Variants in PROSER2 observed in about 807,000 individuals in gnomAD.
PROSER2 encodes proline and serine-rich protein 2.
A neutral mutation model predicts 14.6 loss-of-function variants in PROSER2; 18 were observed. The observed-to-expected ratio is 1.23, with a 90% CI of 0.85 to 1.83. PROSER2 has a LOEUF of 1.83. Among genes scored for constraint, PROSER2 ranks in the 40% most tolerant of loss-of-function variants. PROSER2 has a pLI of 0.00. For missense variants in PROSER2, 823 were observed against 629.8 expected (o/e 1.31, Z -3.28); for synonymous variants, 367 against 286.4 (o/e 1.28, Z -2.84).
In PROSER2 at chr10:11,871,314, C is replaced by T. The variant is rs940452837; in HGVS notation, c.*908C>T. 1 of 152,214 alleles carries T rather than the reference C, an allele frequency of 6.6e-6. No individual in the cohort carries two copies. Among genetic ancestry groups the T allele is most frequent in the Non-Finnish European group, 1.5e-5 (1 of 68,038 alleles). 9.4% of individuals were successfully genotyped at this position (152,214 alleles called of 1,614,324 possible). A position where few individuals can be genotyped will look rare whatever the true frequency, so the allele number is the denominator to read the frequency against. The stretch of plus-strand genomic sequence containing the variant: ...TTGTTACTTCCTAGTATGGAAGTGT[C>T]TTAAGGACACGTCTCCATGATATTT... On this transcript the variant is annotated 3_prime_UTR_variant, in exon 4 of 4. Coordinates refer to ENST00000277570, the MANE Select transcript of PROSER2 (RefSeq NM_153256.4).
chr10:11,866,907 AG>A lies in PROSER2; in HGVS notation c.391+128del. On this transcript the variant is annotated intron_variant, in intron 3 of 3. Transcript: ENST00000277570. The surrounding 1 kb of genome is among the most constrained non-coding windows in gnomAD (Gnocchi z 6.0). ...TTGTTGAGTCTTACCAGATTTTTAT[AG>A]GGGAAAATACTCCTTGGCAGTTTCA... The A allele has an allele frequency of 1.8e-6, 2 of 1,139,662 alleles. No homozygotes were observed. The highest frequency in any genetic ancestry group is 2.4e-6 in the Non-Finnish European group (2 of 825,934). 70.6% of individuals were successfully genotyped at this position (1,139,662 alleles called of 1,614,324 possible).
At position 11,839,161 on chromosome 10, in the gene PROSER2, C is replaced by T. The variant is rs113256973; in HGVS notation, c.-81-12836C>T. 1.2e-4 allele frequency among the ~76,000 whole-genome samples: 19 copies of T among 152,276 alleles called. 3 individuals are homozygous for T. The highest frequency in any genetic ancestry group is 3.1e-4 in the African/African-American group (13 of 41,558). Reference sequence around the variant, plus strand: ...CTTCAGTACTTGGCACTTGAGCTGTCGGATAACCTTCTTGGCTTGAGGGCA... The same window carrying T: ...CTTCAGTACTTGGCACTTGAGCTGTTGGATAACCTTCTTGGCTTGAGGGCA... On this transcript the variant is annotated intron_variant, in intron 1 of 3. Coordinates refer to ENST00000277570, the MANE Select transcript of PROSER2 (RefSeq NM_153256.4).
At chr10:11,832,311 G>A (rs1384252033) in intron 1 of PROSER2, among the ~76,000 whole-genome samples, 3 of 152,178 alleles carry the variant, frequency 2.0e-5, no homozygotes, top group African/African-American at 7.2e-5. Flanking sequence ...ATTTTTGGAA[G>A]CATTCTTTTC....
chr10:11,858,195 G>C (rs1045498495), intron 2 of PROSER2, among the ~76,000 whole-genome samples: 2 of 152,118 alleles, frequency 1.3e-5, no homozygotes, highest in Admixed American at 1.3e-4. Flanking sequence ...CTCTCAGAGT[G>C]CTAGGATTAC....
At position 11,836,300 on chromosome 10, in the gene PROSER2, G is replaced by A. The variant is rs376800140; in HGVS notation, c.-82+12830G>A. Among the ~76,000 whole-genome samples, 3 of 152,044 alleles carry A rather than the reference G, an allele frequency of 2.0e-5. No individual in the cohort carries two copies. Among genetic ancestry groups the A allele is most frequent in the Admixed American group, 6.6e-5 (1 of 15,250 alleles). Reference sequence around the variant, plus strand: ...CAGCCTCCACCTTCCAGGTTCAAGCGATTCTCCCATCTCAGCTTCCCAAGT... The same window carrying A: ...CAGCCTCCACCTTCCAGGTTCAAGCAATTCTCCCATCTCAGCTTCCCAAGT... On this transcript the variant is annotated intron_variant, in intron 1 of 3. Coordinates refer to ENST00000277570, the MANE Select transcript of PROSER2 (RefSeq NM_153256.4). This position sits in a 1 kb window ranked among gnomAD's most constrained non-coding sequence, Gnocchi z 4.6.
In PROSER2 at chr10:11,830,374, G is replaced by T. The variant is rs1264575434; in HGVS notation, c.-82+6904G>T. Among the ~76,000 whole-genome samples, 1 of 152,198 alleles carries T rather than the reference G, an allele frequency of 6.6e-6. No individual in the cohort carries two copies. The highest frequency in any genetic ancestry group is 1.5e-5 in the Non-Finnish European group (1 of 68,040). On this transcript the variant is annotated intron_variant, in intron 1 of 3. Transcript: ENST00000277570. The surrounding 1 kb of genome is among the most constrained non-coding windows in gnomAD (Gnocchi z 4.5). ...AAGACATGATTGCATTCATTTTTAT[G>T]GCTGAGTAGTCGTCCGTGGTGTTTA... is the stretch of plus-strand genomic sequence containing the variant.
chr10:11,858,422 C>T (rs1834164957), intron 2 of PROSER2, among the ~76,000 whole-genome samples: 3 of 152,278 alleles, frequency 2.0e-5, no homozygotes, highest in African/African-American at 7.2e-5. Context: ...GGCTGCTGCC[C>T]TCAGAGCTTG....
At position 11,870,395 on chromosome 10, in the gene PROSER2, G is replaced by GA. The variant is rs1834461063; in HGVS notation, c.1298dup (p.Ser434GlufsTer59). On this transcript the variant is annotated frameshift_variant, in exon 4 of 4. Transcript: ENST00000277570. LOFTEE classifies it high-confidence loss of function. ...CCTGCGGAAGCTGGGGCTGCTCAGG[G>GA]AGAGTTCGTGAGGGCCGCGCGGGCT... 2.0e-6 allele frequency: 3 copies of GA among 1,498,776 alleles called. 1 individual carries two copies. The highest frequency in any genetic ancestry group is 2.6e-5 in the South Asian group (2 of 78,264). 92.8% of individuals were successfully genotyped at this position (1,498,776 alleles called of 1,614,324 possible).
At chr10:11,842,328 A>T (rs1833855815) in intron 1 of PROSER2, among the ~76,000 whole-genome samples, 1 of 147,888 alleles carries the variant, frequency 6.8e-6, no homozygotes. Context: ...TGTGCTTTTT[A>T]TTTGTCCTCT....
chr10:11,848,071 G>A (rs111436660), intron 1 of PROSER2, among the ~76,000 whole-genome samples: 4 of 152,158 alleles, frequency 2.6e-5, no homozygotes, highest in African/African-American at 9.7e-5. Flanking sequence ...TTTTCCTTGT[G>A]TATCTTTTCA....
intron 1 of PROSER2, among the ~76,000 whole-genome samples, chr10:11,847,117 C>G (rs1278467153): frequency 6.7e-6 from 1 of 149,450 alleles, no homozygotes; most frequent in Non-Finnish European, 1.5e-5. Flanking sequence ...GCTCAAGTGT[C>G]TCCTATTCTT....
Position 11,866,686 on chromosome 10 carries a change from C to T in PROSER2, c.294C>T (p.Thr98=). ...GCTCCCCGTCTCTGGAGGAGAGCAC[C>T]TCCAGTCCCTCCGAGCCTGAAGATG... ...CLCSPSLEES[T]SSPSEPEDVI... is the part of the protein sequence containing the mutation. The change falls in exon 3 of 4, where the codon ACC becomes ACT. Residue 98 remains threonine (T), a synonymous_variant. Coordinates refer to ENST00000277570, the MANE Select transcript of PROSER2 (RefSeq NM_153256.4). This position sits in a 1 kb window ranked among gnomAD's most constrained non-coding sequence, Gnocchi z 6.0. The T allele has an allele frequency of 1.9e-6, 3 of 1,614,088 alleles. No homozygotes were observed. The highest frequency in any genetic ancestry group is 2.5e-6 in the Non-Finnish European group (3 of 1,180,036).
Position 11,830,049 on chromosome 10 carries a change from G to T in PROSER2, c.-82+6579G>T, listed in dbSNP as rs1207628091. On this transcript the variant is annotated intron_variant, in intron 1 of 3. Coordinates refer to ENST00000277570, the MANE Select transcript of PROSER2 (RefSeq NM_153256.4). This position sits in a 1 kb window ranked among gnomAD's most constrained non-coding sequence, Gnocchi z 4.5. Reference sequence around the variant, plus strand: ...GTAGAGACGGGGTTTTGCCATGTTGGCCATGCTGGTCTCGAACTCCTGAGC... The same window carrying T: ...GTAGAGACGGGGTTTTGCCATGTTGTCCATGCTGGTCTCGAACTCCTGAGC... 6.6e-6 allele frequency among the ~76,000 whole-genome samples: 1 copy of T among 151,790 alleles called. No individual in the cohort carries two copies. The highest frequency in any genetic ancestry group is 1.5e-5 in the Non-Finnish European group (1 of 67,966).
At chr10:11,861,036 G>A (rs1834226862) in intron 2 of PROSER2, among the ~76,000 whole-genome samples, 1 of 152,102 alleles carries the variant, frequency 6.6e-6, no homozygotes, top group South Asian at 2.1e-4. Context: ...AACCTGGGAG[G>A]TGGTGGCTGC....
intron 1 of PROSER2, among the ~76,000 whole-genome samples, chr10:11,826,505 G>T (rs1180014964): frequency 1.3e-5 from 2 of 152,172 alleles, no homozygotes; most frequent in East Asian, 3.8e-4. Flanking sequence ...AACGTGTGAG[G>T]GTTCTAATTT....
At position 11,838,448 on chromosome 10, in the gene PROSER2, TTC is replaced by T. The variant is rs1347233317; in HGVS notation, c.-81-13546_-81-13545del. Among the ~76,000 whole-genome samples the T allele has an allele frequency of 1.3e-5, 2 of 152,246 alleles. No homozygotes were observed. The highest frequency in any genetic ancestry group is 2.9e-5 in the Non-Finnish European group (2 of 68,046). Reference sequence around the variant, plus strand: ...GAAGAACCTGGACTGCCACCAACTCTTCTCAACAGCAGGCAACACTGTATACC... The same window carrying T: ...GAAGAACCTGGACTGCCACCAACTCTTCAACAGCAGGCAACACTGTATACC... On this transcript the variant is annotated intron_variant, in intron 1 of 3. Transcript: ENST00000277570. This position sits in a 1 kb window ranked among gnomAD's most constrained non-coding sequence, Gnocchi z 4.4.
At chr10:11,858,365 T>C (rs1834164074) in intron 2 of PROSER2, among the ~76,000 whole-genome samples, 1 of 152,266 alleles carries the variant, frequency 6.6e-6, no homozygotes, top group Non-Finnish European at 1.5e-5. Context: ...CTAGGACTTC[T>C]CGACCTGTTG....
In PROSER2 at chr10:11,842,996, T is replaced by A. The variant is rs1379332229; in HGVS notation, c.-81-9001T>A. On this transcript the variant is annotated intron_variant, in intron 1 of 3. Transcript: ENST00000277570. ...TGCTCTGTCGCCCAGGCTGGAGTGCTGTGGCACGATCTCGGCTCACTGCAA... is the reference window on the plus strand; with the variant it reads ...TGCTCTGTCGCCCAGGCTGGAGTGCAGTGGCACGATCTCGGCTCACTGCAA... Among the ~76,000 whole-genome samples, 18 of 138,940 alleles carry A rather than the reference T, an allele frequency of 1.3e-4. 3 individuals carry two copies. Among genetic ancestry groups the A allele is most frequent in the African/African-American group, 3.2e-4 (12 of 36,990 alleles). The allele number at this position is 138,940 out of a possible 152,430, so 91.2% of individuals were successfully genotyped here. A position where few individuals can be genotyped will look rare whatever the true frequency, so the allele number is the denominator to read the frequency against.
At chr10:11,847,199 TTTC>T (rs898412474) in intron 1 of PROSER2, among the ~76,000 whole-genome samples, 2 of 149,004 alleles carry the variant, frequency 1.3e-5, no homozygotes, top group African/African-American at 5.0e-5. Flanking sequence ...CCAAAATGCT[TTTC>T]TTCAACCCCA....
Sources: allele counts gnomAD v4.1 joint callset (sites outside exome capture counted in the v4.1 genomes callset), GRCh38; gene constraint gnomAD v4.1.1; non-coding constraint Gnocchi (gnomAD v3.1); transcripts MANE v1.5; gene names NCBI Gene and HGNC (gene_info 2026-07-23, HGNC 2026-07-21).